Variants in LRRTM4 observed in about 807,000 individuals in gnomAD.
LRRTM4 encodes leucine rich repeat transmembrane neuronal 4, also known as leucine-rich repeat transmembrane neuronal protein 4.
LRRTM4 carries 25 observed loss-of-function variants against 47.6 expected under a neutral mutation model. That is an observed-to-expected ratio of 0.53 (90% confidence interval 0.38 to 0.73). The LOEUF (loss-of-function observed/expected upper bound fraction) is 0.73, where lower values mean the gene tolerates loss of function less well. Among genes scored for constraint, LRRTM4 ranks in the 30% least tolerant of loss-of-function variants. The pLI is 0.00. For missense variants in LRRTM4, 638 were observed against 713.4 expected, an observed-to-expected ratio of 0.89 and a Z score of 1.20; for synonymous variants, 311 against 269.5, an observed-to-expected ratio of 1.15 and a Z score of -1.51.
At chr2:76,874,215 T>G (rs1326993566) in intron 3 of LRRTM4, among the ~76,000 whole-genome samples, 1 of 151,952 alleles carries the variant, frequency 6.6e-6, no homozygotes, top group African/African-American at 2.4e-5. Context: ...TCATGTCTCA[T>G]CTTAGAAAAC....
intron 3 of LRRTM4, among the ~76,000 whole-genome samples, chr2:76,973,750 G>A (rs1053047140): frequency 1.3e-5 from 2 of 151,892 alleles, no homozygotes; most frequent in African/African-American, 4.8e-5. Flanking sequence ...ATGACAAAAT[G>A]AAATATAGAA....
chr2:77,059,675 A>G (rs912187981), intron 3 of LRRTM4, among the ~76,000 whole-genome samples: 3 of 152,224 alleles, frequency 2.0e-5, no homozygotes, highest in African/African-American at 4.8e-5. Context: ...TAATTAACTC[A>G]CATACAATGA....
intron 3 of LRRTM4, among the ~76,000 whole-genome samples, chr2:77,093,847 A>G (rs886666399): frequency 2.6e-5 from 4 of 151,850 alleles, no homozygotes; most frequent in Non-Finnish European, 5.9e-5. Context: ...AAGTGATGAC[A>G]TTACCTTGTG....
intron 3 of LRRTM4, among the ~76,000 whole-genome samples, chr2:77,064,928 C>T (rs1679905636): frequency 6.6e-6 from 1 of 152,114 alleles, no homozygotes; most frequent in Non-Finnish European, 1.5e-5. Context: ...CATTCTGGAG[C>T]CTGCCCATTC....
At chr2:76,917,802 TGTGGG>T (rs1035455054) in intron 3 of LRRTM4, among the ~76,000 whole-genome samples, 1 of 152,184 alleles carries the variant, frequency 6.6e-6, no homozygotes, top group African/African-American at 2.4e-5. Flanking sequence ...TTGTGTCCCT[TGTGGG>T]ACAGGGTAGA....
intron 3 of LRRTM4, among the ~76,000 whole-genome samples, chr2:76,821,194 GC>G (rs1422542629): frequency 6.6e-6 from 1 of 151,558 alleles, no homozygotes; most frequent in African/African-American, 2.4e-5. Flanking sequence ...GTGTGATATA[GC>G]AAAACAAAGC....
Position 77,322,772 on chromosome 2 carries a change from T to A in LRRTM4, c.1551+195546A>T, listed in dbSNP as rs149253260. Among the ~76,000 whole-genome samples the A allele has an allele frequency of 3.3e-5, 5 of 149,752 alleles. No homozygotes were observed. The East Asian group carries it at 1.0e-3, about 30-fold the overall frequency. ...TTTAAAAATCTATTTGATTTTGTTA[T>A]GCGTATAACAGAGAAAGTCCAGGAT... On this transcript the variant is annotated intron_variant, in intron 3 of 3. Coordinates refer to ENST00000409884, the MANE Select transcript of LRRTM4 (RefSeq NM_001134745.3).
At chr2:77,015,220 C>G (rs1678016074) in intron 3 of LRRTM4, among the ~76,000 whole-genome samples, 1 of 152,196 alleles carries the variant, frequency 6.6e-6, no homozygotes, top group Non-Finnish European at 1.5e-5. Flanking sequence ...ACTTGCCTGC[C>G]TGGCTTGTCC....
intron 3 of LRRTM4, among the ~76,000 whole-genome samples, chr2:77,297,983 A>C (rs1677019323): frequency 6.6e-6 from 1 of 152,226 alleles, no homozygotes; most frequent in South Asian, 2.1e-4. Context: ...TTCAAATCAT[A>C]AACAGCACCT....
chr2:76,925,662 GCTAC>G (rs1444381920), intron 3 of LRRTM4, among the ~76,000 whole-genome samples: 5 of 152,070 alleles, frequency 3.3e-5, no homozygotes, highest in African/African-American at 4.8e-5. Context: ...GTAAAAGTGT[GCTAC>G]CTGTTTTATT....
At chr2:76,941,085 T>C (rs1488005835) in intron 3 of LRRTM4, among the ~76,000 whole-genome samples, 3 of 151,890 alleles carry the variant, frequency 2.0e-5, no homozygotes, top group Non-Finnish European at 4.4e-5. Context: ...GAGAAGGCAA[T>C]GAAAATGAAG....
chr2:76,916,384 C>CAAAAAAAAAAAAAAAAAAA (rs57874749), intron 3 of LRRTM4, among the ~76,000 whole-genome samples: 13 of 53,510 alleles, frequency 2.4e-4, no homozygotes, highest in African/African-American at 1.0e-3. Flanking sequence ...GACTGTGTCT[C>CAAAAAAAAAAAAAAAAAAA]AAAAAAAAAA....
chr2:77,515,117 C>G (rs1240368337), intron 3 of LRRTM4, among the ~76,000 whole-genome samples: 3 of 151,794 alleles, frequency 2.0e-5, no homozygotes, highest in Non-Finnish European at 4.4e-5. Context: ...CACTGATCCA[C>G]TCAAAGTATG....
chr2:77,175,787 C>T (rs1315949149), intron 3 of LRRTM4, among the ~76,000 whole-genome samples: 1 of 150,128 alleles, frequency 6.7e-6, no homozygotes, highest in Admixed American at 6.6e-5. Flanking sequence ...CCCCCACACC[C>T]GATGTTGGTT....
chr2:77,462,962 C>T (rs1448335629), intron 3 of LRRTM4, among the ~76,000 whole-genome samples: 2 of 151,602 alleles, frequency 1.3e-5, no homozygotes, highest in African/African-American at 2.4e-5. Flanking sequence ...GACTAAAGAG[C>T]CAGGGAGAAT....
At chr2:77,173,078 G>T (rs1286684522) in intron 3 of LRRTM4, among the ~76,000 whole-genome samples, 1 of 152,132 alleles carries the variant, frequency 6.6e-6, no homozygotes, top group Non-Finnish European at 1.5e-5. Flanking sequence ...TTTAATAAAG[G>T]ATGATACAGC....
chr2:77,293,440 C>A (rs1254405971), intron 3 of LRRTM4, among the ~76,000 whole-genome samples: 1 of 151,968 alleles, frequency 6.6e-6, no homozygotes, highest in Non-Finnish European at 1.5e-5. Flanking sequence ...TCCAGAAATC[C>A]CTATAACGGA....
At chr2:77,484,526 C>T (rs1677839077) in intron 3 of LRRTM4, among the ~76,000 whole-genome samples, 1 of 152,056 alleles carries the variant, frequency 6.6e-6, no homozygotes, top group Non-Finnish European at 1.5e-5. Context: ...TCTGTTTTTT[C>T]TTTTTCTAGT....
At chr2:76,814,648 T>C (rs1670846342) in intron 3 of LRRTM4, among the ~76,000 whole-genome samples, 1 of 152,100 alleles carries the variant, frequency 6.6e-6, no homozygotes, top group South Asian at 2.1e-4. Context: ...AGGAGGGGTG[T>C]AGGTTATATG....
Sources: allele counts gnomAD v4.1 joint callset (sites outside exome capture counted in the v4.1 genomes callset), GRCh38; gene constraint gnomAD v4.1.1; transcripts MANE v1.5; gene names NCBI Gene and HGNC (gene_info 2026-07-23, HGNC 2026-07-21).